The following OPCML variants were observed in gnomAD, a reference collection of about 807,000 sequenced individuals.
OPCML encodes the protein opioid binding protein/cell adhesion molecule like.
Under a neutral mutation model 37.8 loss-of-function variants are expected in OPCML, and 13 were observed. The ratio of observed to expected loss-of-function variants is 0.34; its 90% CI spans 0.22 to 0.55. The LOEUF (loss-of-function observed/expected upper bound fraction) is 0.55, where lower values mean the gene tolerates loss of function less well. Among genes scored for constraint, OPCML ranks in the 20% least tolerant of loss-of-function variants. The probability of loss-of-function intolerance (pLI) is 0.91; values close to 1 mark genes in which losing one functional copy is unlikely to be tolerated. For missense variants in OPCML, 341 were observed against 435.6 expected (o/e 0.78, Z 1.93); for synonymous variants, 176 against 168.8 (o/e 1.04, Z -0.33).
intron 1 of OPCML, among the ~76,000 whole-genome samples, chr11:133,134,509 CTT>C (rs1019486449): frequency 3.9e-5 from 6 of 152,160 alleles, no homozygotes; most frequent in Admixed American, 3.3e-4. Flanking sequence ...CCCCTGTGCT[CTT>C]GTTTCCAGGG....
At chr11:132,757,239 T>A (rs71485752) in intron 2 of OPCML, among the ~76,000 whole-genome samples, 12,054 of 152,302 alleles carry the variant, frequency 0.079, 559 homozygotes, top group African/African-American at 0.11. Flanking sequence ...TTTGCTATTG[T>A]GAACAGTGCT....
intron 2 of OPCML, among the ~76,000 whole-genome samples, chr11:132,841,400 T>C (rs909842000): frequency 6.6e-6 from 1 of 152,132 alleles, no homozygotes; most frequent in African/African-American, 2.4e-5. Flanking sequence ...AAGACCTAGA[T>C]GATCTCTAGC....
intron 1 of OPCML, among the ~76,000 whole-genome samples, chr11:133,140,636 AGAGGAG>A (rs879363109): frequency 6.8e-6 from 1 of 147,670 alleles, no homozygotes; most frequent in African/African-American, 2.5e-5. Context: ...AAGAGGAGGA[AGAGGAG>A]GAAGAGGAAG....
Position 132,985,520 on chromosome 11 carries a change from C to T in OPCML, c.62-42510G>A, listed in dbSNP as rs114938586. Among the ~76,000 whole-genome samples the T allele has an allele frequency of 6.7e-3, 1,018 of 152,320 alleles. 9 individuals are homozygous for T. The highest frequency in any genetic ancestry group is 0.023 in the African/African-American group (963 of 41,564). ...GGCCAGCAAAAGAAAGCACAGTCAC[C>T]TCACACCTCTCTCTTTCAAAGGGCT... On this transcript the variant is annotated intron_variant, in intron 1 of 7. Coordinates refer to ENST00000524381, the MANE Select transcript of OPCML (RefSeq NM_001012393.5).
rs76723571 is a variant in OPCML at position 133,399,308 on chromosome 11, G to T, written c.61+132956C>A. Among the ~76,000 whole-genome samples the T allele has an allele frequency of 8.0e-4, 122 of 152,242 alleles. 2 individuals are homozygous for T. The East Asian group carries it at 0.023, about 28-fold the overall frequency. On this transcript the variant is annotated intron_variant, in intron 1 of 7. Transcript: ENST00000524381. ...TGGGCTTAGGAATAAGATGGGCCTG[G>T]GTTTGAGCTCAGCACTGCTCTTTAC...
chr11:132,496,480 C>T (rs2096231592), intron 4 of OPCML, among the ~76,000 whole-genome samples: 3 of 152,348 alleles, frequency 2.0e-5, no homozygotes, highest in South Asian at 4.1e-4. Flanking sequence ...TCCTAGAACA[C>T]TGCTCTTGTC....
chr11:133,485,667 T>C (rs1401422252), intron 1 of OPCML, among the ~76,000 whole-genome samples: 7 of 152,220 alleles, frequency 4.6e-5, no homozygotes, highest in Admixed American at 4.6e-4. Context: ...GTTGGTACAT[T>C]CCATCTGCAT....
chr11:132,466,149 G>A (rs945896830), intron 4 of OPCML, among the ~76,000 whole-genome samples: 1 of 152,100 alleles, frequency 6.6e-6, no homozygotes, highest in Non-Finnish European at 1.5e-5. Context: ...ATGGCACAGG[G>A]AGGCTCCATG....
intron 1 of OPCML, among the ~76,000 whole-genome samples, chr11:132,944,222 C>T (rs1300803405): frequency 1.2e-4 from 18 of 151,294 alleles, no homozygotes; most frequent in African/African-American, 3.9e-4. Context: ...GAGGGGAGGG[C>T]GGGAGAGGGA....
intron 1 of OPCML, among the ~76,000 whole-genome samples, chr11:133,146,971 C>T (rs1949906594): frequency 6.6e-6 from 1 of 152,148 alleles, no homozygotes; most frequent in Admixed American, 6.5e-5. Context: ...TGGTGCCTTC[C>T]CCTGCAAGCT....
chr11:133,053,671 TCCAG>T (rs879541503), intron 1 of OPCML, among the ~76,000 whole-genome samples: 30 of 151,808 alleles, frequency 2.0e-4, no homozygotes, highest in Middle Eastern at 3.4e-3. Flanking sequence ...GAAAGCACGC[TCCAG>T]GCTTTTCTTC....
At chr11:133,467,859 T>C (rs896740730) in intron 1 of OPCML, among the ~76,000 whole-genome samples, 1 of 152,204 alleles carries the variant, frequency 6.6e-6, no homozygotes, top group Non-Finnish European at 1.5e-5. Flanking sequence ...TGTTGGGACC[T>C]TGGAAAGCAG....
Position 133,394,700 on chromosome 11 carries a change from C to A in OPCML, c.61+137564G>T, listed in dbSNP as rs1592261891. 2.0e-5 allele frequency among the ~76,000 whole-genome samples: 3 copies of A among 152,292 alleles called. No individual in the cohort carries two copies. In the East Asian group the frequency reaches 5.8e-4, roughly 29 times the overall value. On this transcript the variant is annotated intron_variant, in intron 1 of 7. Coordinates refer to ENST00000524381, the MANE Select transcript of OPCML (RefSeq NM_001012393.5). ...TGGCTTGTTCCACTTAATATAATGA[C>A]CTCCAGTTCCATCCATGCTATTGCA...
chr11:133,467,791 A>C (rs1947010688), intron 1 of OPCML, among the ~76,000 whole-genome samples: 1 of 152,180 alleles, frequency 6.6e-6, no homozygotes, highest in South Asian at 2.1e-4. Flanking sequence ...TTCTTTGGCC[A>C]ATTGCTCAAT....
intron 1 of OPCML, among the ~76,000 whole-genome samples, chr11:133,114,196 C>T (rs926124454): frequency 6.6e-6 from 1 of 152,104 alleles, no homozygotes; most frequent in African/African-American, 2.4e-5. Flanking sequence ...CTGGGCCTCC[C>T]CCTGAACTGC....
intron 1 of OPCML, among the ~76,000 whole-genome samples, chr11:133,523,244 C>A (rs964704261): frequency 1.3e-5 from 2 of 152,124 alleles, no homozygotes; most frequent in African/African-American, 4.8e-5. Flanking sequence ...CTAAAAACAA[C>A]CTATTCCTTG....
At chr11:133,321,802 G>T (rs145077229) in intron 1 of OPCML, among the ~76,000 whole-genome samples, 1 of 152,044 alleles carries the variant, frequency 6.6e-6, no homozygotes, top group African/African-American at 2.4e-5. Flanking sequence ...GTTTGATTCC[G>T]TGGGTTCCAG....
Position 132,725,633 on chromosome 11 carries a change from A to C in OPCML, c.147-68314T>G, listed in dbSNP as rs116847193. 6.6e-3 allele frequency among the ~76,000 whole-genome samples: 1,007 copies of C among 152,180 alleles called. 11 individuals are homozygous for C. The highest frequency in any genetic ancestry group is 0.025 in the South Asian group (122 of 4,820). On this transcript the variant is annotated intron_variant, in intron 2 of 7. Transcript: ENST00000524381. ...TAGGCTGCAAATTTTCCAAACTTTTATTCTCTGCTTCACTTGTAAAACTGA... is the reference window on the plus strand; with the variant it reads ...TAGGCTGCAAATTTTCCAAACTTTTCTTCTCTGCTTCACTTGTAAAACTGA...
intron 2 of OPCML, among the ~76,000 whole-genome samples, chr11:132,872,442 G>T (rs779731953): frequency 6.6e-6 from 1 of 152,110 alleles, no homozygotes; most frequent in Non-Finnish European, 1.5e-5. Flanking sequence ...CCCACCTGGT[G>T]AGTGTGCAGG....
Sources: allele counts gnomAD v4.1 joint callset (sites outside exome capture counted in the v4.1 genomes callset), GRCh38; gene constraint gnomAD v4.1.1; transcripts MANE v1.5; gene names NCBI Gene and HGNC (gene_info 2026-07-23, HGNC 2026-07-21).